The following SMIM29 variants were observed in gnomAD, a reference collection of about 807,000 sequenced individuals.
SMIM29 encodes uncharacterized protein C6orf1.
SMIM29 carries 4 observed loss-of-function variants against 12.9 expected under a neutral mutation model. The observed-to-expected ratio is 0.31, with a 90% CI of 0.15 to 0.71. The LOEUF is 0.71. SMIM29 is among the 30% of genes least tolerant of loss of function. The pLI, the probability that SMIM29 is intolerant of heterozygous loss-of-function variation, is 0.70. For synonymous variants in SMIM29, 50 were observed against 52.0 expected (o/e 0.96, Z 0.17); for missense variants, 122 against 138.1 (o/e 0.88, Z 0.58).
chr6:34,247,503 G>C lies in SMIM29; in HGVS notation c.112-11C>G, dbSNP rs1561884414. 1.3e-6 allele frequency: 2 copies of C among 1,573,420 alleles called. No individual in the cohort carries two copies. Among genetic ancestry groups the C allele is most frequent in the East Asian group, 2.3e-5 (1 of 43,350 alleles). On this transcript the variant is annotated splice_polypyrimidine_tract_variant and intron_variant, in intron 2 of 4. Transcript: ENST00000476320. ...CTGTACATACATTACCTGCAACAGA[G>C]ACACAGCACTGTGGGGGCTGCTGAG... is the stretch of plus-strand genomic sequence containing the variant.
rs1258048854 is a variant in SMIM29 at position 34,246,683 on chromosome 6, A to C, written c.*120T>G. 1 of 1,613,890 alleles carries C rather than the reference A, an allele frequency of 6.2e-7. No individual in the cohort carries two copies. The highest frequency in any genetic ancestry group is 8.5e-7 in the Non-Finnish European group (1 of 1,179,960). ...AGCAGATGCTGCTGAGGGTGGGTGG[A>C]GGGAGAAATGGAGACCCAGCACCCA... On this transcript the variant is annotated 3_prime_UTR_variant, in exon 5 of 5. Coordinates refer to ENST00000476320, the MANE Select transcript of SMIM29 (RefSeq NM_001008703.4).
Position 34,246,797 on chromosome 6 carries a change from G to C in SMIM29, c.*6C>G, listed in dbSNP as rs1417368666. The C allele has an allele frequency of 6.2e-7, 1 of 1,613,012 alleles. No homozygotes were observed. On this transcript the variant is annotated 3_prime_UTR_variant, in exon 5 of 5. Transcript: ENST00000476320. ...AGGCTCTGAAGGGTGGGGCAAGGGG[G>C]TCAGGTCACGTCTTGACATCCAGCA...
chr6:34,246,496 AAGCCC>A lies in SMIM29; in HGVS notation c.*302_*306del. On this transcript the variant is annotated 3_prime_UTR_variant, in exon 5 of 5. Transcript: ENST00000476320. ...AAAGCCTGCCTGGGGATTTGTGCCCAAGCCCAGCCCAGGAGGGCTAGAGAAAGCAA... is the reference window on the plus strand; with the variant it reads ...AAAGCCTGCCTGGGGATTTGTGCCCAAGCCCAGGAGGGCTAGAGAAAGCAA... 1 of 1,522,082 alleles carries A rather than the reference AAGCCC, an allele frequency of 6.6e-7. No individual in the cohort carries two copies. Among genetic ancestry groups the A allele is most frequent in the Non-Finnish European group, 8.8e-7 (1 of 1,136,156 alleles). 94.3% of individuals were successfully genotyped at this position (1,522,082 alleles called of 1,614,324 possible). A position where few individuals can be genotyped will look rare whatever the true frequency, so the allele number is the denominator to read the frequency against.
Position 34,248,183 on chromosome 6 carries a change from G to A in SMIM29, c.-73-319C>T, listed in dbSNP as rs865893028. The A allele has an allele frequency of 1.7e-5, 17 of 985,274 alleles. 1 individual carries two copies. Among genetic ancestry groups the A allele is most frequent in the African/African-American group, 1.4e-4 (8 of 57,232 alleles). 61.0% of individuals were successfully genotyped at this position (985,274 alleles called of 1,614,324 possible). A position where few individuals can be genotyped will look rare whatever the true frequency, so the allele number is the denominator to read the frequency against. The stretch of plus-strand genomic sequence containing the variant: ...GGGAAAGATTAAGTGCAGGTTTCAG[G>A]TGCCTGCCCCAGCCCTTTTGGGGCA... On this transcript the variant is annotated intron_variant, in intron 1 of 4. Transcript: ENST00000476320.
chr6:34,246,792 A>AG lies in SMIM29; in HGVS notation c.*10dup, dbSNP rs759483446. On this transcript the variant is annotated 3_prime_UTR_variant, in exon 5 of 5. Transcript: ENST00000476320. ...ACCCCAGGCTCTGAAGGGTGGGGCAAGGGGGTCAGGTCACGTCTTGACATC... is the reference window on the plus strand; with the variant it reads ...ACCCCAGGCTCTGAAGGGTGGGGCAAGGGGGGTCAGGTCACGTCTTGACATC... 8.1e-6 allele frequency: 13 copies of AG among 1,613,000 alleles called. No individual in the cohort carries two copies. The highest frequency in any genetic ancestry group is 1.1e-5 in the Non-Finnish European group (13 of 1,179,980).
At chr6:34,247,013 C>T (rs548595794) in intron 4 of SMIM29, 31 bp downstream of exon 4, 1 of 1,613,908 alleles carries the variant, frequency 6.2e-7, no homozygotes, top group Non-Finnish European at 8.5e-7. Context: ...CCCACCTTGC[C>T]TCATTCTCCC....
rs904255729 is a variant in SMIM29, at chr6:34,246,401, C to G, written c.*402G>C. 20 of 1,249,596 alleles carry G rather than the reference C, an allele frequency of 1.6e-5. No individual in the cohort carries two copies. The highest frequency in any genetic ancestry group is 2.0e-5 in the South Asian group (1 of 49,808). The allele number at this position is 1,249,596 out of a possible 1,614,324, so 77.4% of individuals were successfully genotyped here. A position where few individuals can be genotyped will look rare whatever the true frequency, so the allele number is the denominator to read the frequency against. ...TTGATGAAATCAAAACCCCTAGCCACAAAACATTTTATTTACAAAATATAT... is the reference window on the plus strand; with the variant it reads ...TTGATGAAATCAAAACCCCTAGCCAGAAAACATTTTATTTACAAAATATAT... On this transcript the variant is annotated 3_prime_UTR_variant, in exon 5 of 5. Transcript: ENST00000476320.
At chr6:34,248,735 A>G in intron 1 of SMIM29, 1 of 985,534 alleles carries the variant, frequency 1.0e-6, no homozygotes, top group Non-Finnish European at 1.2e-6. Flanking sequence ...ACCCAGTCGT[A>G]TGCTCATCGT....
intron 3 of SMIM29, 109 bp from the exon 4 acceptor site, chr6:34,247,258 CT>C: frequency 1.9e-6 from 3 of 1,584,546 alleles, no homozygotes; most frequent in East Asian, 4.6e-5. Context: ...CAGTGGGTGC[CT>C]TTTGGGACAC....
chr6:34,248,732 C>G, intron 1 of SMIM29: 1 of 985,606 alleles, frequency 1.0e-6, no homozygotes, highest in Non-Finnish European at 1.2e-6. Flanking sequence ...CTTACCCAGT[C>G]GTATGCTCAT....
In SMIM29 at chr6:34,248,032, T is replaced by C. The variant is rs1347240050; in HGVS notation, c.-73-168A>G. 3 of 985,230 alleles carry C rather than the reference T, an allele frequency of 3.0e-6. No individual in the cohort carries two copies. The East Asian group carries it at 3.4e-4, about 112-fold the overall frequency. 61.0% of individuals were successfully genotyped at this position (985,230 alleles called of 1,614,324 possible). The stretch of plus-strand genomic sequence containing the variant: ...TGACCCTCCAGTGAGTCTTGGCAAA[T>C]CCTGGCAGGAAAGGGGATCAAGGGA... On this transcript the variant is annotated intron_variant, in intron 1 of 4. Coordinates refer to ENST00000476320, the MANE Select transcript of SMIM29 (RefSeq NM_001008703.4).
chr6:34,247,000 A>C, intron 4 of SMIM29, 44 bp downstream of exon 4: 1 of 1,613,324 alleles, frequency 6.2e-7, no homozygotes, highest in Non-Finnish European at 8.5e-7. Context: ...AACAGGGCTG[A>C]CTCCCACCTT....
rs776758976 is a variant in SMIM29 at position 34,246,631 on chromosome 6, C to A, written c.*172G>T. 1.2e-6 allele frequency: 2 copies of A among 1,613,718 alleles called. No homozygotes were observed. Among genetic ancestry groups the A allele is most frequent in the African/African-American group, 2.7e-5 (2 of 74,916 alleles). ...CCACAAAGGGCAGAAGGCCTGGGGGCAGTGAGGTGATGGTGAGGGCATGGG... is the reference window on the plus strand; with the variant it reads ...CCACAAAGGGCAGAAGGCCTGGGGGAAGTGAGGTGATGGTGAGGGCATGGG... On this transcript the variant is annotated 3_prime_UTR_variant, in exon 5 of 5. Transcript: ENST00000476320.
chr6:34,248,580 C>T, intron 1 of SMIM29: 1 of 985,584 alleles, frequency 1.0e-6, no homozygotes, highest in Non-Finnish European at 1.2e-6. Context: ...TCCCCATCGA[C>T]AGAAGCAAAG....
rs767288631 is a variant in SMIM29 at position 34,246,756 on chromosome 6, G to C, written c.*47C>G. 1 of 1,613,560 alleles carries C rather than the reference G, an allele frequency of 6.2e-7. No individual in the cohort carries two copies. The highest frequency in any genetic ancestry group is 2.2e-5 in the East Asian group (1 of 44,882). Reference sequence around the variant, plus strand: ...AGGGGAAGCAGATGGCAGGGCCCCAGGCAGTCCAGGACCCCAGGCTCTGAA... The same window carrying C: ...AGGGGAAGCAGATGGCAGGGCCCCACGCAGTCCAGGACCCCAGGCTCTGAA... On this transcript the variant is annotated 3_prime_UTR_variant, in exon 5 of 5. Transcript: ENST00000476320.
rs1196490258 is a variant in SMIM29 at position 34,247,509 on chromosome 6, G to A, written c.112-17C>T. 6.4e-7 allele frequency: 1 copy of A among 1,569,320 alleles called. No individual in the cohort carries two copies. The highest frequency in any genetic ancestry group is 8.6e-7 in the Non-Finnish European group (1 of 1,156,440). On this transcript the variant is annotated splice_polypyrimidine_tract_variant and intron_variant, in intron 2 of 4. Coordinates refer to ENST00000476320, the MANE Select transcript of SMIM29 (RefSeq NM_001008703.4). ...ATACATTACCTGCAACAGAGACACAGCACTGTGGGGGCTGCTGAGCCCAGG... is the reference window on the plus strand; with the variant it reads ...ATACATTACCTGCAACAGAGACACAACACTGTGGGGGCTGCTGAGCCCAGG...
intron 1 of SMIM29, chr6:34,248,368 T>A (rs1268524573): frequency 1.0e-6 from 1 of 985,336 alleles, no homozygotes; most frequent in Non-Finnish European, 1.2e-6. Flanking sequence ...CTGAGTTCTA[T>A]GCCCTTGTCC....
chr6:34,248,370 C>A (rs1038521554), intron 1 of SMIM29: 18 of 985,352 alleles, frequency 1.8e-5, no homozygotes, highest in Admixed American at 1.2e-4. Flanking sequence ...GAGTTCTATG[C>A]CCTTGTCCCT....
chr6:34,246,593 G>T lies in SMIM29; in HGVS notation c.*210C>A, dbSNP rs1278095058. On this transcript the variant is annotated 3_prime_UTR_variant, in exon 5 of 5. Coordinates refer to ENST00000476320, the MANE Select transcript of SMIM29 (RefSeq NM_001008703.4). ...TCCCATGAGTGCCTGTGGGTGGGCG[G>T]TGAGCTCAACACCCACAAAGGGCAG... is the stretch of plus-strand genomic sequence containing the variant. 6.2e-7 allele frequency: 1 copy of T among 1,610,482 alleles called. No homozygotes were observed. The highest frequency in any genetic ancestry group is 1.3e-5 in the African/African-American group (1 of 74,874).
Sources: allele counts gnomAD v4.1 joint callset, GRCh38; gene constraint gnomAD v4.1.1; transcripts MANE v1.5; gene names NCBI Gene and HGNC (gene_info 2026-07-23, HGNC 2026-07-21).